Variants in TMC2 observed in about 807,000 individuals in gnomAD.
TMC2 encodes the protein transmembrane channel-like protein 2.
A neutral mutation model predicts 105.9 loss-of-function variants in TMC2; 102 were observed. The ratio of observed to expected loss-of-function variants is 0.96; its 90% confidence interval spans 0.82 to 1.14. The LOEUF is 1.14. Among genes scored for constraint, TMC2 ranks in the 50% most tolerant of loss-of-function variants. TMC2 has a pLI of 0.00. For missense variants in TMC2, 1,093 were observed against 1,134.3 expected (o/e 0.96, Z 0.52); for synonymous variants, 402 against 422.8 (o/e 0.95, Z 0.60).
chr20:2,582,098 G>A lies in TMC2; in HGVS notation c.834+2042G>A, dbSNP rs74807661. On this transcript the variant is annotated intron_variant, in intron 7 of 19. Coordinates refer to ENST00000358864, the MANE Select transcript of TMC2 (RefSeq NM_080751.3). ...ACCAGGTAGCAGCCTGTTGCAGTAG[G>A]TCAGTGCTAGATCCGGGTAATATCA... 3.8e-3 allele frequency among the ~76,000 whole-genome samples: 581 copies of A among 152,298 alleles called. 2 individuals carry two copies. Among genetic ancestry groups the A allele is most frequent in the African/African-American group, 0.014 (563 of 41,550 alleles).
chr20:2,605,048 A>G (rs1408464166), intron 11 of TMC2, among the ~76,000 whole-genome samples: 1 of 152,142 alleles, frequency 6.6e-6, no homozygotes, highest in African/African-American at 2.4e-5. Context: ...GTGACCTAAT[A>G]CTTGTGATTG....
chr20:2,613,412 T>C (rs1446586459), intron 14 of TMC2, 90 bp downstream of exon 14: 15 of 1,575,118 alleles, frequency 9.5e-6, no homozygotes, highest in Non-Finnish European at 1.3e-5. Flanking sequence ...GGGCATTTCA[T>C]TTCTTTGGAA....
chr20:2,578,371 C>T (rs2086162534), intron 5 of TMC2, among the ~76,000 whole-genome samples: 1 of 152,158 alleles, frequency 6.6e-6, no homozygotes, highest in Non-Finnish European at 1.5e-5. Flanking sequence ...CTGCTCTCTA[C>T]TACCTCTTAT....
At chr20:2,632,067 G>T (rs1458813529) in intron 17 of TMC2, among the ~76,000 whole-genome samples, 1 of 150,898 alleles carries the variant, frequency 6.6e-6, no homozygotes, top group Non-Finnish European at 1.5e-5. Context: ...TGTCACCCAG[G>T]CTAGAGTGCA....
chr20:2,567,934 T>C (rs1478623498), intron 4 of TMC2, among the ~76,000 whole-genome samples: 1 of 152,046 alleles, frequency 6.6e-6, no homozygotes, highest in African/African-American at 2.4e-5. Context: ...CAAGAGAAAT[T>C]ACCCAATCTA....
chr20:2,611,182 A>G (rs1489652987), intron 12 of TMC2, among the ~76,000 whole-genome samples: 1 of 152,220 alleles, frequency 6.6e-6, no homozygotes, highest in African/African-American at 2.4e-5. Context: ...ACATTGGAAA[A>G]GGCAGAGGGA....
chr20:2,584,261 G>T (rs1440434083), intron 7 of TMC2, among the ~76,000 whole-genome samples: 1 of 151,164 alleles, frequency 6.6e-6, no homozygotes, highest in South Asian at 2.1e-4. Context: ...CGGCTAACAC[G>T]GTGAAACCCC....
chr20:2,640,938 C>T (rs1244177105), intron 19 of TMC2, among the ~76,000 whole-genome samples, 196 bp from the exon 20 acceptor site: 2 of 152,122 alleles, frequency 1.3e-5, no homozygotes, highest in Non-Finnish European at 2.9e-5. Context: ...AGCCAGAAGA[C>T]CATACTCCTC....
Position 2,594,755 on chromosome 20 carries a change from A to G in TMC2, c.934-70A>G, listed in dbSNP as rs2086293030. The G allele has an allele frequency of 4.7e-6, 7 of 1,502,472 alleles. No homozygotes were observed. The South Asian group carries it at 8.6e-5, about 18-fold the overall frequency. 93.1% of individuals were successfully genotyped at this position (1,502,472 alleles called of 1,614,324 possible). A position where few individuals can be genotyped will look rare whatever the true frequency, so the allele number is the denominator to read the frequency against. ...ACTCTGAGAAAGAAATCCCTGGTAG[A>G]GTAGACATGTCTGGTAACCACCAGC... On this transcript the variant is annotated intron_variant, in intron 8 of 19. Transcript: ENST00000358864.
intron 16 of TMC2, among the ~76,000 whole-genome samples, chr20:2,623,192 G>C (rs542065244): frequency 6.6e-6 from 1 of 152,066 alleles, no homozygotes; most frequent in Middle Eastern, 3.4e-3. Flanking sequence ...ACATCAGACA[G>C]CACAGCTTTC....
At chr20:2,604,554 T>G (rs932677906) in intron 11 of TMC2, among the ~76,000 whole-genome samples, 1 of 152,206 alleles carries the variant, frequency 6.6e-6, no homozygotes, top group South Asian at 2.1e-4. Flanking sequence ...CCTAAAACCC[T>G]TGGAATCTCT....
chr20:2,551,864 G>A (rs916850980), intron 2 of TMC2, among the ~76,000 whole-genome samples: 1 of 152,136 alleles, frequency 6.6e-6, no homozygotes, highest in African/African-American at 2.4e-5. Context: ...ACACCATCTT[G>A]ATTACTGTAC....
chr20:2,570,647 A>AC (rs113682243), intron 4 of TMC2, among the ~76,000 whole-genome samples: 1 of 152,062 alleles, frequency 6.6e-6, no homozygotes, highest in Non-Finnish European at 1.5e-5. Context: ...ATAGAAAAAA[A>AC]GATTCTAAAA....
At position 2,616,519 on chromosome 20, in the gene TMC2, A is replaced by G. The variant is rs2086483207; in HGVS notation, c.1940+315A>G. ...AAGGAAGAAAGACAAAGGAAAGGGA[A>G]AAGGAAGGAGTAAAGAAGAGGAGGA... On this transcript the variant is annotated intron_variant, in intron 15 of 19. Transcript: ENST00000358864. The surrounding 1 kb of genome is among the most constrained non-coding windows in gnomAD (Gnocchi z 4.8). 6.8e-6 allele frequency among the ~76,000 whole-genome samples: 1 copy of G among 146,442 alleles called. No homozygotes were observed. Among genetic ancestry groups the G allele is most frequent in the South Asian group, 2.2e-4 (1 of 4,646 alleles).
chr20:2,565,142 G>C lies in TMC2; in HGVS notation c.554+3132G>C, dbSNP rs552568067. On this transcript the variant is annotated intron_variant, in intron 4 of 19. Transcript: ENST00000358864. ...TGACTGGATGCTGTTCTTGTTTTCA[G>C]AGCTGTCTCTTTTTCATCATTTACT... Among the ~76,000 whole-genome samples, 5 of 152,324 alleles carry C rather than the reference G, an allele frequency of 3.3e-5. No homozygotes were observed. In the South Asian group the frequency reaches 8.3e-4, roughly 25 times the overall value.
At chr20:2,553,012 G>A (rs775595172) in intron 2 of TMC2, among the ~76,000 whole-genome samples, 4 of 152,120 alleles carry the variant, frequency 2.6e-5, no homozygotes, top group Admixed American at 1.3e-4. Context: ...AATTCTTTGA[G>A]ATTTTCTACA....
At chr20:2,598,606 A>G (rs2086326779) in intron 10 of TMC2, among the ~76,000 whole-genome samples, 2 of 151,842 alleles carry the variant, frequency 1.3e-5, no homozygotes, top group East Asian at 1.9e-4. Context: ...TAGTAGAGAC[A>G]TGGTTTCACC....
At chr20:2,591,062 T>C (rs1472806073) in intron 7 of TMC2, among the ~76,000 whole-genome samples, 1 of 150,800 alleles carries the variant, frequency 6.6e-6, no homozygotes, top group East Asian at 1.9e-4. Context: ...CCTAAATCAA[T>C]ATATAAATCT....
At chr20:2,537,392 C>G in intron 2 of TMC2, 76 bp downstream of exon 2, 1 of 1,198,882 alleles carries the variant, frequency 8.3e-7, no homozygotes, top group Non-Finnish European at 1.2e-6. Context: ...AGTCCAGCCA[C>G]CCATCCAACA....
Sources: gnomAD v4.1 joint callset for allele counts (sites outside exome capture counted in the v4.1 genomes callset) on GRCh38, gnomAD v4.1.1 for gene constraint, Gnocchi (gnomAD v3.1) non-coding constraint, MANE v1.5 for transcripts, NCBI Gene and HGNC (gene_info 2026-07-23, HGNC 2026-07-21) for gene names.